The following POLR3H variants were observed in gnomAD, a reference collection of about 807,000 sequenced individuals.
POLR3H encodes the protein DNA-directed RNA polymerase III subunit RPC8.
In POLR3H, 17 loss-of-function variants were observed where a neutral mutation model predicts 25.5. The observed-to-expected ratio is 0.67, with a 90% CI of 0.46 to 1.00. The LOEUF is 1.00. POLR3H is among the 50% of genes least tolerant of loss of function. POLR3H has a pLI of 0.00. For synonymous variants in POLR3H, 129 were observed against 103.0 expected (o/e 1.25, Z -1.53); for missense variants, 274 against 265.0 (o/e 1.03, Z -0.24).
intron 2 of POLR3H, among the ~76,000 whole-genome samples, chr22:41,534,083 G>A (rs529391101): frequency 7.2e-5 from 11 of 151,946 alleles, no homozygotes; most frequent in Non-Finnish European, 1.5e-4. Context: ...GTTGCAGTAC[G>A]CCAAGATCAT....
chr22:41,544,066 C>A lies in POLR3H; in HGVS notation c.36G>T (p.Arg12=). 6.2e-7 allele frequency: 1 copy of A among 1,612,520 alleles called. No homozygotes were observed. The highest frequency in any genetic ancestry group is 8.5e-7 in the Non-Finnish European group (1 of 1,179,014). Residue 12 remains arginine (R), a synonymous_variant, in exon 1 of 6, where the codon CGG becomes CGT. Transcript: ENST00000355209. ...FVLVEMVDTV[R]IPPWQFERKL... The stretch of plus-strand genomic sequence containing the variant: ...TCCTCTCAAACTGCCAAGGGGGGAT[C>A]CGGACGGTGTCCACCATTTCCACCA...
At chr22:41,532,265 G>A (rs2066751023) in intron 3 of POLR3H, 108 bp from the exon 4 acceptor site, 2 of 1,102,104 alleles carry the variant, frequency 1.8e-6, no homozygotes, top group African/African-American at 3.1e-5. Flanking sequence ...CTGCCCACGA[G>A]GCGGATGTCG....
Position 41,533,627 on chromosome 22 carries a change from G to C in POLR3H, c.209-882C>G. 6.1e-6 allele frequency: 8 copies of C among 1,303,646 alleles called. No homozygotes were observed. The South Asian group carries it at 9.9e-5, about 16-fold the overall frequency. 80.8% of individuals were successfully genotyped at this position (1,303,646 alleles called of 1,614,324 possible). A position where few individuals can be genotyped will look rare whatever the true frequency, so the allele number is the denominator to read the frequency against. On this transcript the variant is annotated intron_variant, in intron 2 of 5. Transcript: ENST00000355209. ...ATTTAGTCGGCCAACATGCCCCCCA[G>C]GACGGCAGGGACCCTGGCATCAGCA...
chr22:41,531,738 G>A (rs1348146988), intron 4 of POLR3H, among the ~76,000 whole-genome samples: 2 of 152,258 alleles, frequency 1.3e-5, no homozygotes, highest in African/African-American at 2.4e-5. Flanking sequence ...AGGGACCAGT[G>A]CATGCCTCCA....
At chr22:41,532,459 T>C (rs1601949530) in intron 3 of POLR3H, 200 bp downstream of exon 3, 2 of 951,618 alleles carry the variant, frequency 2.1e-6, no homozygotes, top group Non-Finnish European at 1.5e-6. Flanking sequence ...AAGTCCTGAG[T>C]GACGGCCTCA....
At chr22:41,536,739 A>C (rs1180992490) in intron 2 of POLR3H, among the ~76,000 whole-genome samples, 1 of 151,414 alleles carries the variant, frequency 6.6e-6, no homozygotes, top group Non-Finnish European at 1.5e-5. Context: ...GGTGGTGGGC[A>C]CCTGTAATCT....
At chr22:41,543,130 A>G (rs575102992) in intron 1 of POLR3H, among the ~76,000 whole-genome samples, 2 of 152,154 alleles carry the variant, frequency 1.3e-5, no homozygotes, top group Non-Finnish European at 2.9e-5. Context: ...GAAAGGAAAA[A>G]GTCTAAGAAG....
At position 41,527,950 on chromosome 22, in the gene POLR3H, G is replaced by T. The variant is rs565638362; in HGVS notation, c.*1333C>A. 3.1e-6 allele frequency: 5 copies of T among 1,614,156 alleles called. No individual in the cohort carries two copies. The highest frequency in any genetic ancestry group is 2.7e-5 in the African/African-American group (2 of 75,040). On this transcript the variant is annotated 3_prime_UTR_variant, in exon 6 of 6. Transcript: ENST00000355209. ...TGCTGCCTCTGACCTTCGCTGACCC[G>T]GCTGACTACAACAAGATTCACCCTG...
intron 5 of POLR3H, chr22:41,529,707 CTT>C (rs2066684322): frequency 1.8e-6 from 1 of 556,368 alleles, no homozygotes; most frequent in Non-Finnish European, 3.5e-6. Flanking sequence ...GGAGCCCTCC[CTT>C]TTATTTCACT....
At chr22:41,538,314 T>C (rs2087622579) in intron 2 of POLR3H, among the ~76,000 whole-genome samples, 2 of 152,176 alleles carry the variant, frequency 1.3e-5, no homozygotes, top group South Asian at 2.1e-4. Flanking sequence ...TTTGTATTTT[T>C]AGTAGAGACA....
rs1029995567 is a variant in POLR3H, at chr22:41,528,384, G to C, written c.*899C>G. 6.5e-6 allele frequency: 10 copies of C among 1,527,006 alleles called. No homozygotes were observed. Among genetic ancestry groups the C allele is most frequent in the Non-Finnish European group, 7.0e-6 (8 of 1,135,804 alleles). 94.6% of individuals were successfully genotyped at this position (1,527,006 alleles called of 1,614,324 possible). ...ATTTGGTTTGCCTGCTGACCTCTTA[G>C]GTCCCCAGGCAGTGCCCTGTCTCCC... On this transcript the variant is annotated 3_prime_UTR_variant, in exon 6 of 6. Transcript: ENST00000355209.
At chr22:41,540,880 A>C in intron 1 of POLR3H, 85 bp from the exon 2 acceptor site, 1 of 993,984 alleles carries the variant, frequency 1.0e-6, no homozygotes. Context: ...TGAGCCCCTC[A>C]CAACCACAAG....
chr22:41,537,099 G>A (rs1224212483), intron 2 of POLR3H, among the ~76,000 whole-genome samples: 1 of 152,130 alleles, frequency 6.6e-6, no homozygotes, highest in African/African-American at 2.4e-5. Flanking sequence ...TGGAGGATGT[G>A]GGGAACACGG....
At chr22:41,543,965 C>T in intron 1 of POLR3H, 26 bp downstream of exon 1, 1 of 1,557,070 alleles carries the variant, frequency 6.4e-7, no homozygotes, top group Non-Finnish European at 8.9e-7. Flanking sequence ...ACGCCAAGGC[C>T]TGCCCGCGAG....
chr22:41,543,194 C>G (rs979273439), intron 1 of POLR3H, among the ~76,000 whole-genome samples: 1 of 152,100 alleles, frequency 6.6e-6, no homozygotes, highest in Non-Finnish European at 1.5e-5. Context: ...GTCAAAGAAA[C>G]GGCAGTGGGA....
intron 2 of POLR3H, chr22:41,540,180 C>G (rs905073064): frequency 1.2e-5 from 3 of 249,864 alleles, no homozygotes; most frequent in Non-Finnish European, 2.4e-5. Context: ...TCCCCCACCC[C>G]CAGCCAGCCT....
At position 41,544,436 on chromosome 22, in the gene POLR3H, A is replaced by ACCGCGCACCG. The variant is rs1555894499; in HGVS notation, c.-336_-335insCGGTGCGCGG. ...CCGCTCGTATCACGCACCACGCACC[A>ACCGCGCACCG]CGCACCGCGCACAGCCGCTCGCGCT... On this transcript the variant is annotated 5_prime_UTR_variant, in exon 1 of 6. Coordinates refer to ENST00000355209, the MANE Select transcript of POLR3H (RefSeq NM_001018050.4). The ACCGCGCACCG allele has an allele frequency of 0.095, 17,700 of 187,102 alleles. 2,255 individuals carry two copies. Among genetic ancestry groups the ACCGCGCACCG allele is most frequent in the East Asian group, 0.4 (2,995 of 7,576 alleles). 11.6% of individuals were successfully genotyped at this position (187,102 alleles called of 1,614,324 possible). A position where few individuals can be genotyped will look rare whatever the true frequency, so the allele number is the denominator to read the frequency against.
intron 2 of POLR3H, among the ~76,000 whole-genome samples, chr22:41,537,175 A>G (rs1249272476): frequency 1.3e-5 from 2 of 152,146 alleles, no homozygotes; most frequent in Non-Finnish European, 2.9e-5. Context: ...CACAAAGGCC[A>G]TCATCTGTGA....
At chr22:41,533,087 TG>T (rs2066773905) in intron 2 of POLR3H, among the ~76,000 whole-genome samples, 1 of 152,246 alleles carries the variant, frequency 6.6e-6, no homozygotes, top group African/African-American at 2.4e-5. Context: ...ACGCAGGGTT[TG>T]GAAACTCCCA....
Sources: gnomAD v4.1 joint callset for allele counts (sites outside exome capture counted in the v4.1 genomes callset) on GRCh38, gnomAD v4.1.1 for gene constraint, MANE v1.5 for transcripts, NCBI Gene and HGNC (gene_info 2026-07-23, HGNC 2026-07-21) for gene names.